CNTN5: variants seen among roughly 807,000 people sequenced by gnomAD.
The protein encoded by CNTN5 is contactin 5.
In CNTN5, 77 loss-of-function variants were observed where a neutral mutation model predicts 129.1. The observed-to-expected ratio is 0.60, with a 90% confidence interval of 0.50 to 0.72. CNTN5 has a LOEUF of 0.72. Ranked by LOEUF, CNTN5 falls within the 30% of genes least tolerant of loss-of-function variation. CNTN5 has a pLI of 0.00. For synonymous variants in CNTN5, 509 were observed against 465.6 expected (o/e 1.09, Z -1.20); for missense variants, 1,478 against 1,328.8 (o/e 1.11, Z -1.75).
intron 3 of CNTN5, among the ~76,000 whole-genome samples, chr11:99,726,846 C>T (rs1943357595): frequency 6.6e-6 from 1 of 152,002 alleles, no homozygotes; most frequent in Non-Finnish European, 1.5e-5. Flanking sequence ...GCTTTTCCAC[C>T]TCATCAAAAA....
At chr11:100,033,074 T>G (rs770587) in intron 9 of CNTN5, among the ~76,000 whole-genome samples, 17,286 of 152,248 alleles carry the variant, frequency 0.11, 1,136 homozygotes, top group Middle Eastern at 0.24. Flanking sequence ...GTGGTATTTC[T>G]GTAAGAAAGA....
chr11:99,504,457 C>T (rs1946540511), intron 2 of CNTN5, among the ~76,000 whole-genome samples: 1 of 148,160 alleles, frequency 6.7e-6, no homozygotes, highest in Non-Finnish European at 1.5e-5. Flanking sequence ...AGGAGAATCG[C>T]TTGAACCCGG....
intron 3 of CNTN5, among the ~76,000 whole-genome samples, chr11:99,676,160 T>G (rs1953274444): frequency 6.6e-6 from 1 of 152,214 alleles, no homozygotes; most frequent in African/African-American, 2.4e-5. Context: ...ATTATTGATT[T>G]TATTACATAA....
At chr11:100,187,743 A>G (rs1204864401) in intron 13 of CNTN5, among the ~76,000 whole-genome samples, 1 of 152,206 alleles carries the variant, frequency 6.6e-6, no homozygotes, top group African/African-American at 2.4e-5. Flanking sequence ...CATATGCAAA[A>G]GAATGAAACT....
intron 15 of CNTN5, among the ~76,000 whole-genome samples, chr11:100,210,708 T>C (rs954626405): frequency 4.6e-5 from 7 of 152,158 alleles, no homozygotes; most frequent in Non-Finnish European, 8.8e-5. Flanking sequence ...TTGTTTCCCA[T>C]GAGGTAGGTT....
At chr11:100,305,667 A>G (rs371892461) in intron 20 of CNTN5, among the ~76,000 whole-genome samples, 44 of 151,648 alleles carry the variant, frequency 2.9e-4, no homozygotes, top group East Asian at 1.4e-3. Flanking sequence ...TGCAAGCCAG[A>G]TGTTCTGTGA....
chr11:99,762,131 A>G (rs1944602991), intron 3 of CNTN5, among the ~76,000 whole-genome samples: 2 of 94,170 alleles, frequency 2.1e-5, no homozygotes, highest in African/African-American at 7.3e-5. Context: ...TTTCTTGTAA[A>G]TTTGTTTGAG....
intron 1 of CNTN5, among the ~76,000 whole-genome samples, chr11:99,040,731 T>A (rs1443131074): frequency 6.6e-6 from 1 of 152,178 alleles, no homozygotes. Context: ...TTACTCTGAA[T>A]GATTTATTCA....
chr11:99,602,765 T>G (rs1413039408), intron 3 of CNTN5, among the ~76,000 whole-genome samples: 1 of 150,452 alleles, frequency 6.6e-6, no homozygotes, highest in Admixed American at 6.7e-5. Context: ...ACGGGCAGAC[T>G]GCCTCCTCAA....
At chr11:99,429,536 T>C (rs558959701) in intron 2 of CNTN5, among the ~76,000 whole-genome samples, 1 of 152,228 alleles carries the variant, frequency 6.6e-6, no homozygotes, top group African/African-American at 2.4e-5. Flanking sequence ...AGAGAGAGTC[T>C]GAGTGTGTTA....
chr11:99,732,414 T>C (rs909443375), intron 3 of CNTN5, among the ~76,000 whole-genome samples: 5 of 138,202 alleles, frequency 3.6e-5, no homozygotes, highest in Admixed American at 3.6e-4. Flanking sequence ...AGTACTTGTA[T>C]AATAACTCAG....
intron 8 of CNTN5, among the ~76,000 whole-genome samples, chr11:99,992,805 T>C (rs1245116895): frequency 1.3e-5 from 2 of 152,186 alleles, no homozygotes; most frequent in Non-Finnish European, 2.9e-5. Flanking sequence ...AGGAGAGTAA[T>C]GTGCTTTCAG....
At chr11:100,127,095 A>ATTTTTTTTT (rs5794039) in intron 13 of CNTN5, among the ~76,000 whole-genome samples, 4 of 85,610 alleles carry the variant, frequency 4.7e-5, no homozygotes, top group African/African-American at 1.4e-4. Context: ...TGCGCAGCTA[A>ATTTTTTTTT]TTTTTTTTTT....
At chr11:99,997,073 A>C (rs1355992257) in intron 8 of CNTN5, among the ~76,000 whole-genome samples, 2 of 152,306 alleles carry the variant, frequency 1.3e-5, no homozygotes, top group South Asian at 2.1e-4. Flanking sequence ...GCATTAATCC[A>C]AAACTCCAAG....
At chr11:100,252,629 A>G (rs945817529) in intron 16 of CNTN5, among the ~76,000 whole-genome samples, 1 of 152,094 alleles carries the variant, frequency 6.6e-6, no homozygotes, top group Non-Finnish European at 1.5e-5. Flanking sequence ...ATTCATCTGC[A>G]TGTGAACATC....
intron 8 of CNTN5, among the ~76,000 whole-genome samples, chr11:99,973,109 ACAGATTCCTGGT>A (rs1001870159): frequency 1.3e-5 from 2 of 152,162 alleles, no homozygotes; most frequent in African/African-American, 4.8e-5. Flanking sequence ...CACTAAAAAT[ACAGATTCCTGGT>A]TCTCCCTTAG....
At chr11:99,125,226 G>A (rs1035472443) in intron 1 of CNTN5, among the ~76,000 whole-genome samples, 5 of 151,970 alleles carry the variant, frequency 3.3e-5, no homozygotes, top group East Asian at 1.9e-4. Flanking sequence ...CTATAAAACC[G>A]AATCCAGCAG....
chr11:99,197,285 A>T (rs1037260191), intron 1 of CNTN5, among the ~76,000 whole-genome samples: 1 of 151,980 alleles, frequency 6.6e-6, no homozygotes, highest in Non-Finnish European at 1.5e-5. Flanking sequence ...AGTACATAAT[A>T]ATAAGATACT....
intron 1 of CNTN5, among the ~76,000 whole-genome samples, chr11:99,227,094 C>T (rs1860727270): frequency 6.6e-6 from 1 of 152,122 alleles, no homozygotes; most frequent in Non-Finnish European, 1.5e-5. Flanking sequence ...CACGCAGTGG[C>T]TCCTGCCTAT....
Sources: gnomAD v4.1 joint callset for allele counts (sites outside exome capture counted in the v4.1 genomes callset) on GRCh38, gnomAD v4.1.1 for gene constraint, MANE v1.5 for transcripts, NCBI Gene and HGNC (gene_info 2026-07-23, HGNC 2026-07-21) for gene names.